The following FMN1 variants were observed in gnomAD, a reference collection of about 807,000 sequenced individuals.
FMN1 encodes the protein formin 1.
FMN1 carries 110 observed loss-of-function variants against 132.4 expected under a neutral mutation model. The ratio of observed to expected loss-of-function variants is 0.83; its 90% confidence interval spans 0.71 to 0.97. The LOEUF is 0.97. Among genes scored for constraint, FMN1 ranks in the 50% least tolerant of loss-of-function variants. The pLI is 0.00. For missense variants in FMN1, 1,792 were observed against 1,705.3 expected (o/e 1.05, Z -0.90); for synonymous variants, 722 against 651.7 (o/e 1.11, Z -1.64).
At chr15:32,796,785 T>C (rs1313620773) in intron 19 of FMN1, among the ~76,000 whole-genome samples, 2 of 152,240 alleles carry the variant, frequency 1.3e-5, no homozygotes, top group East Asian at 3.8e-4. Context: ...TGAGGAGTAA[T>C]ATACATAATG....
At chr15:33,032,401 A>G (rs2035979653) in intron 6 of FMN1, among the ~76,000 whole-genome samples, 1 of 152,236 alleles carries the variant, frequency 6.6e-6, no homozygotes, top group Admixed American at 6.5e-5. Flanking sequence ...AATTTCTTAA[A>G]TATTATCCAT....
intron 18 of FMN1, 28 bp downstream of exon 18, chr15:32,804,251 AAG>A: frequency 6.6e-7 from 1 of 1,519,732 alleles, no homozygotes; most frequent in Non-Finnish European, 8.9e-7. Flanking sequence ...TAGTCAAAGA[AAG>A]AACTGGGGCC....
At chr15:32,888,556 A>C (rs1477014778) in intron 15 of FMN1, among the ~76,000 whole-genome samples, 2 of 152,214 alleles carry the variant, frequency 1.3e-5, no homozygotes, top group African/African-American at 4.8e-5. Context: ...ATCAAAGAGA[A>C]AATTGTCAGG....
chr15:32,887,127 T>G (rs755064339), intron 16 of FMN1, among the ~76,000 whole-genome samples: 16 of 152,188 alleles, frequency 1.1e-4, no homozygotes, highest in Non-Finnish European at 1.9e-4. Flanking sequence ...CGGGAGCAGA[T>G]CTTTCCCACT....
intron 4 of FMN1, among the ~76,000 whole-genome samples, chr15:33,096,838 G>A (rs1009584057): frequency 2.0e-5 from 3 of 152,150 alleles, no homozygotes; most frequent in Non-Finnish European, 4.4e-5. Context: ...CTAGGCTAAA[G>A]CAATCCGCCA....
intron 6 of FMN1, among the ~76,000 whole-genome samples, chr15:33,040,132 A>G (rs1311168036): frequency 2.0e-5 from 3 of 152,190 alleles, no homozygotes; most frequent in Non-Finnish European, 4.4e-5. Context: ...TATATCATTC[A>G]TAATAAACTA....
At position 32,823,161 on chromosome 15, in the gene FMN1, T is replaced by TG. The variant is rs1443973276; in HGVS notation, c.3929-18830_3929-18829insC. ...ACAGAGAGTTTCTACTGTTTTTTTT[T>TG]TTTTTTTTTTTTTTTTTTGAGACAG... On this transcript the variant is annotated intron_variant, in intron 17 of 20. Transcript: ENST00000616417. Among the ~76,000 whole-genome samples, 238 of 76,060 alleles carry TG rather than the reference T, an allele frequency of 3.1e-3. 4 individuals are homozygous for TG. The East Asian group carries it at 0.076, about 24-fold the overall frequency. The allele number at this position is 76,060 out of a possible 152,430, so 49.9% of individuals were successfully genotyped here. A position where few individuals can be genotyped will look rare whatever the true frequency, so the allele number is the denominator to read the frequency against.
intron 6 of FMN1, among the ~76,000 whole-genome samples, chr15:33,010,225 A>G (rs1226546720): frequency 6.6e-6 from 1 of 152,170 alleles, no homozygotes. Flanking sequence ...ACCACTGTTC[A>G]ATAGCATTTA....
At chr15:32,998,090 T>G (rs1043808238) in intron 7 of FMN1, among the ~76,000 whole-genome samples, 2 of 152,200 alleles carry the variant, frequency 1.3e-5, no homozygotes, top group Non-Finnish European at 2.9e-5. Flanking sequence ...GGGCAGTACT[T>G]TGGCAACTAG....
intron 9 of FMN1, among the ~76,000 whole-genome samples, chr15:32,959,400 T>A (rs2030241465): frequency 6.6e-6 from 1 of 152,240 alleles, no homozygotes; most frequent in Admixed American, 6.5e-5. Context: ...GCAAAGATTA[T>A]AGGAGGCAGG....
chr15:33,073,293 G>C (rs1286541844), intron 5 of FMN1, among the ~76,000 whole-genome samples: 1 of 152,122 alleles, frequency 6.6e-6, no homozygotes, highest in East Asian at 1.9e-4. Flanking sequence ...TCAAGTTCTG[G>C]GCCTGATTTT....
intron 16 of FMN1, among the ~76,000 whole-genome samples, chr15:32,887,714 A>G (rs1470502185): frequency 6.6e-6 from 1 of 152,230 alleles, no homozygotes; most frequent in Non-Finnish European, 1.5e-5. Context: ...GTGAGTTCTA[A>G]TTAGACAGAC....
chr15:32,954,350 C>A (rs757898270), intron 9 of FMN1, among the ~76,000 whole-genome samples: 2 of 152,138 alleles, frequency 1.3e-5, no homozygotes, highest in Non-Finnish European at 2.9e-5. Context: ...TGGATCTGAG[C>A]GCTAAGATAT....
intron 5 of FMN1, among the ~76,000 whole-genome samples, chr15:33,068,406 GA>G (rs1162369343): frequency 1.3e-5 from 2 of 152,162 alleles, no homozygotes; most frequent in Non-Finnish European, 2.9e-5. Flanking sequence ...AAGGGAATCA[GA>G]AGTAAATCAG....
intron 4 of FMN1, chr15:33,151,106 A>C (rs1964420518): frequency 1.3e-5 from 18 of 1,348,170 alleles, no homozygotes; most frequent in Non-Finnish European, 1.7e-5. Flanking sequence ...ATCAAGAGAG[A>C]AAAGGGAACT....
intron 16 of FMN1, among the ~76,000 whole-genome samples, chr15:32,879,279 T>C (rs1213688436): frequency 6.6e-6 from 1 of 152,234 alleles, no homozygotes; most frequent in Non-Finnish European, 1.5e-5. Context: ...AAACTAAATA[T>C]TTTTAACACC....
intron 9 of FMN1, among the ~76,000 whole-genome samples, chr15:32,932,719 G>C (rs1202538060): frequency 2.0e-5 from 3 of 152,096 alleles, no homozygotes; most frequent in African/African-American, 7.2e-5. Context: ...TCATGATTCA[G>C]TCCTGCTAGG....
intron 5 of FMN1, chr15:33,067,876 G>A (rs371804089): frequency 2.8e-5 from 45 of 1,608,674 alleles, no homozygotes; most frequent in Non-Finnish European, 3.0e-5. Context: ...AATTATCAAC[G>A]TTCTCCATGT....
intron 4 of FMN1, among the ~76,000 whole-genome samples, chr15:33,108,518 C>G (rs1483412337): frequency 2.6e-5 from 4 of 151,576 alleles, no homozygotes; most frequent in Admixed American, 2.6e-4. Flanking sequence ...TTCTCTAACT[C>G]TGCTATTAAA....
Sources: allele counts gnomAD v4.1 joint callset (sites outside exome capture counted in the v4.1 genomes callset), GRCh38; gene constraint gnomAD v4.1.1; transcripts MANE v1.5; gene names NCBI Gene and HGNC (gene_info 2026-07-23, HGNC 2026-07-21).